SNX27: variants seen among roughly 807,000 people sequenced by gnomAD.
SNX27 encodes sorting nexin-27.
A neutral mutation model predicts 71.6 loss-of-function variants in SNX27; 22 were observed. That is an observed-to-expected ratio of 0.31 (90% CI 0.22 to 0.44). SNX27 has a LOEUF of 0.44. SNX27 is among the 20% of genes least tolerant of loss of function. SNX27 has a pLI of 1.00. For missense variants in SNX27, 531 were observed against 698.6 expected (o/e 0.76, Z 2.70); for synonymous variants, 269 against 277.2 (o/e 0.97, Z 0.29).
At chr1:151,632,832 G>A (rs959607362) in intron 1 of SNX27, among the ~76,000 whole-genome samples, 1 of 151,722 alleles carries the variant, frequency 6.6e-6, no homozygotes, top group African/African-American at 2.4e-5. Context: ...TTACAGATGT[G>A]GATATTATAT....
intron 1 of SNX27, among the ~76,000 whole-genome samples, chr1:151,619,405 T>G (rs1167936515): frequency 6.6e-6 from 1 of 152,190 alleles, no homozygotes; most frequent in Non-Finnish European, 1.5e-5. Flanking sequence ...GTTTCTTTTT[T>G]CCTCTCACCT....
rs574502733 is a variant in SNX27, at chr1:151,687,696, C to G, written c.1239+4251C>G. Among the ~76,000 whole-genome samples, 224 of 152,246 alleles carry G rather than the reference C, an allele frequency of 1.5e-3. 2 individuals are homozygous for G. The highest frequency in any genetic ancestry group is 5.4e-4 in the Non-Finnish European group (37 of 68,008). ...TGGCGCGGTGGCTCACGCCTATAAT[C>G]CCAGCACTTTGGGAGGCCGAGGCGG... On this transcript the variant is annotated intron_variant, in intron 8 of 11. Coordinates refer to ENST00000458013, the MANE Select transcript of SNX27 (RefSeq NM_001330723.2).
Position 151,680,666 on chromosome 1 carries a change from TTC to T in SNX27, c.1150-2687_1150-2686del, listed in dbSNP as rs571391110. Among the ~76,000 whole-genome samples, 26 of 152,338 alleles carry T rather than the reference TTC, an allele frequency of 1.7e-4. No homozygotes were observed. In the South Asian group the frequency reaches 1.9e-3, roughly 11 times the overall value. ...GAAAGACAGTATTCTTATATTCTTATTCTCATCGAAACAATACAGAAATAAAG... is the reference window on the plus strand; with the variant it reads ...GAAAGACAGTATTCTTATATTCTTATTCATCGAAACAATACAGAAATAAAG... On this transcript the variant is annotated intron_variant, in intron 7 of 11. Transcript: ENST00000458013.
chr1:151,653,810 T>G (rs185544550), intron 2 of SNX27, among the ~76,000 whole-genome samples: 1 of 150,748 alleles, frequency 6.6e-6, no homozygotes, highest in Non-Finnish European at 1.5e-5. Flanking sequence ...CAAGAGCCAC[T>G]GTGCCCAGCC....
At chr1:151,683,927 A>T (rs924670200) in intron 8 of SNX27, among the ~76,000 whole-genome samples, 1 of 152,178 alleles carries the variant, frequency 6.6e-6, no homozygotes. Context: ...TCGACCTCCC[A>T]AAGTGCTGGG....
At chr1:151,641,290 A>G (rs1333455012) in intron 2 of SNX27, among the ~76,000 whole-genome samples, 1 of 152,096 alleles carries the variant, frequency 6.6e-6, no homozygotes, top group African/African-American at 2.4e-5. Context: ...AGTTTTCCAA[A>G]GTGGCTATAT....
intron 1 of SNX27, among the ~76,000 whole-genome samples, chr1:151,619,416 T>C (rs1667570058): frequency 6.6e-6 from 1 of 152,150 alleles, no homozygotes; most frequent in Non-Finnish European, 1.5e-5. Flanking sequence ...CCTCTCACCT[T>C]AGCCTTCCAG....
intron 1 of SNX27, among the ~76,000 whole-genome samples, chr1:151,621,422 C>CT (rs1441244253): frequency 2.0e-5 from 3 of 152,304 alleles, no homozygotes; most frequent in Non-Finnish European, 2.9e-5. Flanking sequence ...ACGAAAACAT[C>CT]TTTTAAGAAA....
rs1330535855 is a variant in SNX27 at position 151,697,296 on chromosome 1, C to T, written c.*2879C>T. On this transcript the variant is annotated 3_prime_UTR_variant, in exon 12 of 12. Coordinates refer to ENST00000458013, the MANE Select transcript of SNX27 (RefSeq NM_001330723.2). ...TTGCCCCTACTCGCTCAGAGTGGGA[C>T]AGTAGTGAACAGAGCTGGGATTCCA... The T allele has an allele frequency of 6.6e-6, 1 of 152,200 alleles. No homozygotes were observed. Among genetic ancestry groups the T allele is most frequent in the Non-Finnish European group, 1.5e-5 (1 of 68,044 alleles). The allele number at this position is 152,200 out of a possible 1,614,324, so 9.4% of individuals were successfully genotyped here. A position where few individuals can be genotyped will look rare whatever the true frequency, so the allele number is the denominator to read the frequency against.
At chr1:151,627,371 A>C (rs1667992495) in intron 1 of SNX27, among the ~76,000 whole-genome samples, 1 of 152,364 alleles carries the variant, frequency 6.6e-6, no homozygotes, top group South Asian at 2.1e-4. Flanking sequence ...ACTAAAGTAC[A>C]GTACTTATTG....
chr1:151,661,080 T>G, intron 4 of SNX27: 1 of 467,030 alleles, frequency 2.1e-6, no homozygotes, highest in Non-Finnish European at 3.9e-6. Context: ...AAACCATCCC[T>G]GATGAGTTTT....
intron 1 of SNX27, among the ~76,000 whole-genome samples, chr1:151,625,593 A>G (rs938784562): frequency 4.0e-5 from 6 of 151,258 alleles, no homozygotes; most frequent in South Asian, 2.1e-4. Context: ...TCTGAGCACT[A>G]TGGGAGGCTG....
chr1:151,656,497 A>G (rs747870122), intron 2 of SNX27, among the ~76,000 whole-genome samples: 13 of 152,226 alleles, frequency 8.5e-5, no homozygotes, highest in Non-Finnish European at 1.5e-4. Flanking sequence ...TGGCAAAATT[A>G]AGAGGATCTT....
chr1:151,624,339 A>G (rs1033122212), intron 1 of SNX27, among the ~76,000 whole-genome samples: 4 of 151,026 alleles, frequency 2.6e-5, no homozygotes, highest in Admixed American at 6.6e-5. Context: ...CTTGGTGACA[A>G]GTGGTTACAT....
chr1:151,680,952 G>T (rs894319352), intron 7 of SNX27, among the ~76,000 whole-genome samples: 18 of 152,262 alleles, frequency 1.2e-4, no homozygotes, highest in African/African-American at 3.1e-4. Context: ...GCCTAAGTGA[G>T]CCTTCACTTG....
chr1:151,658,011 C>A (rs945309619), intron 2 of SNX27, among the ~76,000 whole-genome samples: 3 of 151,802 alleles, frequency 2.0e-5, no homozygotes, highest in Non-Finnish European at 2.9e-5. Flanking sequence ...AAAAAAACCC[C>A]AAAAAACAAA....
At chr1:151,660,618 A>G (rs1186873653) in intron 3 of SNX27, 180 bp from the exon 4 acceptor site, 2 of 575,874 alleles carry the variant, frequency 3.5e-6, no homozygotes, top group Non-Finnish European at 6.2e-6. Flanking sequence ...TCATATTTAG[A>G]TGAATGTTTG....
intron 2 of SNX27, among the ~76,000 whole-genome samples, chr1:151,651,220 C>G (rs1409685320): frequency 2.0e-5 from 3 of 149,020 alleles, no homozygotes; most frequent in Non-Finnish European, 4.5e-5. Context: ...GGCGGCTGGC[C>G]GGGCGGGGGG....
At chr1:151,614,023 A>G (rs745448616) in intron 1 of SNX27, 4 of 151,896 alleles carry the variant, frequency 2.6e-5, no homozygotes, top group Non-Finnish European at 5.9e-5. Context: ...TAGTTTTTTG[A>G]AAATCTGCCT....
Sources: gnomAD v4.1 joint callset for allele counts (sites outside exome capture counted in the v4.1 genomes callset) on GRCh38, gnomAD v4.1.1 for gene constraint, MANE v1.5 for transcripts, NCBI Gene and HGNC (gene_info 2026-07-23, HGNC 2026-07-21) for gene names.